GRM5: variants seen among roughly 807,000 people sequenced by gnomAD.
The protein encoded by GRM5 is metabotropic glutamate receptor 5.
A neutral mutation model predicts 83.1 loss-of-function variants in GRM5; 19 were observed. That is an observed-to-expected ratio of 0.23 (90% CI 0.16 to 0.34). The LOEUF is 0.34. Among genes scored for constraint, GRM5 ranks in the 10% least tolerant of loss-of-function variants. The probability of loss-of-function intolerance (pLI) is 1.00; values close to 1 mark genes in which losing one functional copy is unlikely to be tolerated. For synonymous variants in GRM5, 675 were observed against 633.6 expected (o/e 1.07, Z -0.98); for missense variants, 1,160 against 1,588.3 (o/e 0.73, Z 4.58).
chr11:88,977,807 T>A (rs1224691632), intron 2 of GRM5, among the ~76,000 whole-genome samples: 1 of 152,220 alleles, frequency 6.6e-6, no homozygotes, highest in Non-Finnish European at 1.5e-5. Context: ...ACCTCAAAAT[T>A]CTGTGCTGCT....
chr11:88,517,099 T>C (rs1182606220), intron 9 of GRM5, among the ~76,000 whole-genome samples: 1 of 151,004 alleles, frequency 6.6e-6, no homozygotes, highest in African/African-American at 2.4e-5. Flanking sequence ...GTTTACTTTT[T>C]TCTTACAATT....
chr11:88,586,125 C>A (rs531459543), intron 7 of GRM5, among the ~76,000 whole-genome samples: 1 of 151,606 alleles, frequency 6.6e-6, no homozygotes, highest in African/African-American at 2.4e-5. Flanking sequence ...CACACACACA[C>A]ACATATTCAC....
At position 88,984,719 on chromosome 11, in the gene GRM5, C is replaced by T. The variant is rs533529444; in HGVS notation, c.661+62493G>A. ...GTTAAAAGTTTATGTAACATTCAAA[C>T]GGTTTATTAAAGCTATAGGAGAAAG... On this transcript the variant is annotated intron_variant, in intron 2 of 9. Transcript: ENST00000305447. 28 of 656,864 alleles carry T rather than the reference C, an allele frequency of 4.3e-5. No individual in the cohort carries two copies. In the Middle Eastern group the frequency reaches 7.4e-4, roughly 17 times the overall value. 40.7% of individuals were successfully genotyped at this position (656,864 alleles called of 1,614,324 possible). A position where few individuals can be genotyped will look rare whatever the true frequency, so the allele number is the denominator to read the frequency against.
chr11:88,570,040 G>C (rs767158754), intron 7 of GRM5, among the ~76,000 whole-genome samples: 8 of 152,050 alleles, frequency 5.3e-5, no homozygotes, highest in Non-Finnish European at 8.8e-5. Flanking sequence ...AGAAACAAAG[G>C]AAAGAGAAGG....
At chr11:88,763,371 T>C (rs2135440893) in intron 3 of GRM5, among the ~76,000 whole-genome samples, 1 of 151,920 alleles carries the variant, frequency 6.6e-6, no homozygotes, top group Non-Finnish European at 1.5e-5. Flanking sequence ...TCCACAGTCA[T>C]AAAAATTACT....
At chr11:88,988,713 C>G (rs1180464165) in intron 2 of GRM5, among the ~76,000 whole-genome samples, 1 of 151,352 alleles carries the variant, frequency 6.6e-6, no homozygotes, top group Admixed American at 6.6e-5. Context: ...ACTCAACATT[C>G]TTAAAGAAAA....
rs1319044738 is a variant in GRM5, at chr11:89,017,921, C to T, written c.661+29291G>A. Among the ~76,000 whole-genome samples the T allele has an allele frequency of 3.3e-5, 5 of 152,204 alleles. No individual in the cohort carries two copies. In the East Asian group the frequency reaches 9.7e-4, roughly 30 times the overall value. On this transcript the variant is annotated intron_variant, in intron 2 of 9. Coordinates refer to ENST00000305447, the MANE Select transcript of GRM5 (RefSeq NM_001143831.3). ...GCCCATCACTAGCACTTTGTTTTTA[C>T]TTCTTACCACCTCTTTCTCCAGTAC... is the stretch of plus-strand genomic sequence containing the variant.
At chr11:88,820,708 G>A (rs893864573) in intron 3 of GRM5, among the ~76,000 whole-genome samples, 4 of 152,160 alleles carry the variant, frequency 2.6e-5, no homozygotes, top group African/African-American at 9.7e-5. Context: ...TTTCGTAAAT[G>A]TCTAACTCCA....
chr11:88,873,102 C>T (rs1944796817), intron 2 of GRM5, among the ~76,000 whole-genome samples: 1 of 151,480 alleles, frequency 6.6e-6, no homozygotes, highest in Admixed American at 6.6e-5. Flanking sequence ...AAGCCAAAAA[C>T]TGTAGAAAGA....
At chr11:88,862,727 G>A (rs899223350) in intron 2 of GRM5, among the ~76,000 whole-genome samples, 6 of 151,886 alleles carry the variant, frequency 4.0e-5, no homozygotes, top group Non-Finnish European at 8.8e-5. Flanking sequence ...TGTGCCATGG[G>A]TATTTGCTGC....
At chr11:88,605,268 A>G (rs767652387) in intron 4 of GRM5, among the ~76,000 whole-genome samples, 16 of 152,232 alleles carry the variant, frequency 1.1e-4, no homozygotes, top group Non-Finnish European at 1.8e-4. Flanking sequence ...TCTGTACCAT[A>G]AAATGTATCT....
In GRM5 at chr11:89,047,945, C is replaced by A. The variant is rs143218898; in HGVS notation, c.-73G>T. Reference sequence around the variant, plus strand: ...TCAGGAGGGTTCTGATAGCTACGAACAAGCGATGTCCTACGTTGAGTCGCA... The same window carrying A: ...TCAGGAGGGTTCTGATAGCTACGAAAAAGCGATGTCCTACGTTGAGTCGCA... On this transcript the variant is annotated 5_prime_UTR_variant, in exon 2 of 10. Transcript: ENST00000305447. This position sits in a 1 kb window ranked among gnomAD's most constrained non-coding sequence, Gnocchi z 5.1. The A allele has an allele frequency of 3.7e-6, 4 of 1,093,298 alleles. No homozygotes were observed. Among genetic ancestry groups the A allele is most frequent in the African/African-American group, 1.6e-5 (1 of 64,492 alleles). The allele number at this position is 1,093,298 out of a possible 1,614,324, so 67.7% of individuals were successfully genotyped here.
At chr11:88,517,604 A>ATTATACATAAT (rs1941557887) in intron 9 of GRM5, among the ~76,000 whole-genome samples, 2 of 152,264 alleles carry the variant, frequency 1.3e-5, no homozygotes, top group South Asian at 4.1e-4. Flanking sequence ...GGAATATGCC[A>ATTATACATAAT]ATAAGATTAG....
chr11:88,804,779 A>G (rs947052461), intron 3 of GRM5, among the ~76,000 whole-genome samples: 2 of 152,184 alleles, frequency 1.3e-5, no homozygotes, highest in Admixed American at 1.3e-4. Flanking sequence ...GCATGTACAC[A>G]TGGACATACA....
chr11:88,867,324 T>C (rs1412384548), intron 2 of GRM5, among the ~76,000 whole-genome samples: 1 of 151,866 alleles, frequency 6.6e-6, no homozygotes, highest in Non-Finnish European at 1.5e-5. Context: ...GGGTTGAATA[T>C]GAGAAAATTC....
intron 2 of GRM5, among the ~76,000 whole-genome samples, chr11:89,037,529 A>G (rs1375711977): frequency 6.6e-6 from 1 of 152,276 alleles, no homozygotes; most frequent in South Asian, 2.1e-4. Context: ...AATAATTCTC[A>G]TTTAAGTAGT....
chr11:88,760,296 A>G (rs977479751), intron 3 of GRM5, among the ~76,000 whole-genome samples: 2 of 151,142 alleles, frequency 1.3e-5, no homozygotes, highest in African/African-American at 2.4e-5. Context: ...TGGTTTTTTC[A>G]GAAATATTAT....
chr11:88,726,761 C>T (rs1261045473), intron 3 of GRM5, among the ~76,000 whole-genome samples: 2 of 136,580 alleles, frequency 1.5e-5, no homozygotes, highest in African/African-American at 2.5e-5. Context: ...AAATAATTGT[C>T]AACCCAGAAT....
At chr11:88,619,169 G>T (rs971520291) in intron 4 of GRM5, among the ~76,000 whole-genome samples, 2 of 152,100 alleles carry the variant, frequency 1.3e-5, no homozygotes, top group African/African-American at 4.8e-5. Flanking sequence ...TAATTCATCA[G>T]GGAAACTGGA....
Sources: gnomAD v4.1 joint callset for allele counts (sites outside exome capture counted in the v4.1 genomes callset) on GRCh38, gnomAD v4.1.1 for gene constraint, Gnocchi (gnomAD v3.1) non-coding constraint, MANE v1.5 for transcripts, NCBI Gene and HGNC (gene_info 2026-07-23, HGNC 2026-07-21) for gene names.